RNF150: variants seen among roughly 807,000 people sequenced by gnomAD.
The protein encoded by RNF150 is ring finger protein 150.
RNF150 carries 24 observed loss-of-function variants against 39.3 expected under a neutral mutation model. That is an observed-to-expected ratio of 0.61 (90% confidence interval 0.44 to 0.86). RNF150 has a LOEUF of 0.86. Ranked by LOEUF, RNF150 falls within the 40% of genes least tolerant of loss-of-function variation. The pLI is 0.00. For missense variants in RNF150, 502 were observed against 587.8 expected, an observed-to-expected ratio of 0.85 and a Z score of 1.51; for synonymous variants, 255 against 227.3, an observed-to-expected ratio of 1.12 and a Z score of -1.10.
At chr4:140,983,891 CA>C (rs1168730134) in intron 1 of RNF150, among the ~76,000 whole-genome samples, 1 of 151,942 alleles carries the variant, frequency 6.6e-6, no homozygotes, top group Admixed American at 6.6e-5. Flanking sequence ...AGGCACGTGC[CA>C]CCATGCCCAG....
At chr4:140,875,777 T>G (rs1236290193) in intron 6 of RNF150, among the ~76,000 whole-genome samples, 1 of 152,296 alleles carries the variant, frequency 6.6e-6, no homozygotes, top group Non-Finnish European at 1.5e-5. Context: ...TTCTATTAAC[T>G]TGACATGATA....
At chr4:141,051,205 C>G (rs1215425742) in intron 1 of RNF150, among the ~76,000 whole-genome samples, 2 of 152,088 alleles carry the variant, frequency 1.3e-5, no homozygotes, top group African/African-American at 2.4e-5. Flanking sequence ...AGACTGCACA[C>G]AGCATGGCCC....
At chr4:141,158,025 G>C (rs1727441471) in intron 1 of RNF150, among the ~76,000 whole-genome samples, 1 of 152,202 alleles carries the variant, frequency 6.6e-6, no homozygotes, top group African/African-American at 2.4e-5. Flanking sequence ...AGGCATGGTG[G>C]CTCACACCTG....
intron 2 of RNF150, among the ~76,000 whole-genome samples, chr4:140,954,078 AG>A (rs1434648098): frequency 6.6e-6 from 1 of 152,240 alleles, no homozygotes; most frequent in East Asian, 1.9e-4. Context: ...TGGAAGACTC[AG>A]GGACCACTTC....
At chr4:141,097,117 TTACCAAA>T (rs1173922937) in intron 1 of RNF150, among the ~76,000 whole-genome samples, 1 of 152,246 alleles carries the variant, frequency 6.6e-6, no homozygotes, top group Non-Finnish European at 1.5e-5. Flanking sequence ...AAACTATTAT[TTACCAAA>T]ACAGACCATA....
intron 5 of RNF150, among the ~76,000 whole-genome samples, chr4:140,918,242 T>C (rs966610060): frequency 2.0e-5 from 3 of 152,116 alleles, no homozygotes; most frequent in Non-Finnish European, 2.9e-5. Context: ...AAAAAATTAA[T>C]GAATCCAGGA....
intron 1 of RNF150, among the ~76,000 whole-genome samples, chr4:141,067,897 G>A (rs4515239): frequency 0.78 from 118,829 of 151,468 alleles, 47,444 homozygotes; most frequent in Non-Finnish European, 0.87. Flanking sequence ...TATTTCTATT[G>A]AAAACAAATC....
chr4:141,023,697 C>T (rs1438131933), intron 1 of RNF150, among the ~76,000 whole-genome samples: 2 of 152,044 alleles, frequency 1.3e-5, no homozygotes, highest in Non-Finnish European at 2.9e-5. Context: ...ACTTTCAATG[C>T]ATCATCCACA....
At chr4:141,164,378 C>T (rs1056382154) in intron 1 of RNF150, among the ~76,000 whole-genome samples, 1 of 151,764 alleles carries the variant, frequency 6.6e-6, no homozygotes, top group Non-Finnish European at 1.5e-5. Flanking sequence ...AGAAAACACT[C>T]ATCAGGATAT....
At chr4:140,943,843 G>T (rs1018233289) in intron 4 of RNF150, among the ~76,000 whole-genome samples, 6 of 152,030 alleles carry the variant, frequency 3.9e-5, no homozygotes, top group African/African-American at 1.4e-4. Context: ...AGGAGAGTTT[G>T]CAAAAATCAA....
At chr4:141,076,794 CTAAA>C (rs1737911958) in intron 1 of RNF150, among the ~76,000 whole-genome samples, 1 of 151,922 alleles carries the variant, frequency 6.6e-6, no homozygotes, top group Non-Finnish European at 1.5e-5. Context: ...ATAGTAAATA[CTAAA>C]TAGTTTAGTT....
At chr4:140,917,030 C>T (rs2111291787) in intron 5 of RNF150, among the ~76,000 whole-genome samples, 1 of 152,316 alleles carries the variant, frequency 6.6e-6, no homozygotes, top group Admixed American at 6.5e-5. Context: ...CCTAAAAGAG[C>T]TCCTGAAGGA....
chr4:141,006,033 C>A (rs1410700751), intron 1 of RNF150, among the ~76,000 whole-genome samples: 2 of 126,176 alleles, frequency 1.6e-5, no homozygotes, highest in African/African-American at 6.1e-5. Flanking sequence ...CCCGCCACTG[C>A]ACTCCAGCCT....
At chr4:141,085,060 C>T (rs545439657) in intron 1 of RNF150, among the ~76,000 whole-genome samples, 3 of 152,090 alleles carry the variant, frequency 2.0e-5, no homozygotes, top group South Asian at 2.1e-4. Flanking sequence ...AAGAAATACC[C>T]GAGACTGGGT....
At chr4:140,925,136 G>A (rs1473235724) in intron 5 of RNF150, among the ~76,000 whole-genome samples, 3 of 152,180 alleles carry the variant, frequency 2.0e-5, no homozygotes, top group Non-Finnish European at 4.4e-5. Flanking sequence ...CATTTCGTTT[G>A]TCTGACTTCT....
intron 1 of RNF150, among the ~76,000 whole-genome samples, chr4:141,160,483 G>T (rs901110129): frequency 6.6e-6 from 1 of 152,170 alleles, no homozygotes; most frequent in Non-Finnish European, 1.5e-5. Flanking sequence ...TAATCTAAAA[G>T]TATGTCAACT....
chr4:141,000,087 G>GGAAGGAGA, intron 1 of RNF150, among the ~76,000 whole-genome samples: 1 of 35,936 alleles, frequency 2.8e-5, no homozygotes, highest in Middle Eastern at 0.017. Flanking sequence ...GAAGAAGAAG[G>GGAAGGAGA]AGAAGAAGAA....
chr4:141,176,506 G>A (rs937473356), intron 1 of RNF150, among the ~76,000 whole-genome samples: 1 of 152,096 alleles, frequency 6.6e-6, no homozygotes, highest in Non-Finnish European at 1.5e-5. Context: ...AAAAACTAAA[G>A]TTTAGCCACT....
At chr4:141,017,640 C>T (rs1735330620) in intron 1 of RNF150, among the ~76,000 whole-genome samples, 2 of 152,142 alleles carry the variant, frequency 1.3e-5, no homozygotes, top group African/African-American at 2.4e-5. Context: ...ATCCTTTGCC[C>T]TCTATTTATC....
Sources: allele counts gnomAD v4.1 joint callset (sites outside exome capture counted in the v4.1 genomes callset), GRCh38; gene constraint gnomAD v4.1.1; transcripts MANE v1.5; gene names NCBI Gene and HGNC (gene_info 2026-07-23, HGNC 2026-07-21).